CPS1: variants seen among roughly 807,000 people sequenced by gnomAD.
CPS1 encodes carbamoyl-phosphate synthase [ammonia], mitochondrial.
CPS1 carries 109 observed loss-of-function variants against 174.6 expected under a neutral mutation model. The observed-to-expected ratio is 0.62, with a 90% CI of 0.53 to 0.73. The LOEUF (loss-of-function observed/expected upper bound fraction) is 0.73. Among genes scored for constraint, CPS1 ranks in the 30% least tolerant of loss-of-function variants. CPS1 has a pLI of 0.00. For synonymous variants in CPS1, 637 were observed against 632.0 expected, an observed-to-expected ratio of 1.01 and a Z score of -0.12; for missense variants, 1,689 against 1,821.9, an observed-to-expected ratio of 0.93 and a Z score of 1.33.
Position 210,514,994 on chromosome 2 carries a change from G to A in CPS1, c.3+37228G>A, listed in dbSNP as rs1182126491. Among the ~76,000 whole-genome samples, 6 of 151,048 alleles carry A rather than the reference G, an allele frequency of 4.0e-5. No individual in the cohort carries two copies. In the East Asian group the frequency reaches 5.8e-4, roughly 15 times the overall value. ...GTTAATTCTCTTTATGTGGTAAATC[G>A]AATTTATTGATATGTGTATGTTGCA... On this transcript the variant is annotated intron_variant, in intron 1 of 38. Transcript: ENST00000430249.
At chr2:210,583,105 T>G (rs1697982657) in intron 6 of CPS1, among the ~76,000 whole-genome samples, 1 of 152,132 alleles carries the variant, frequency 6.6e-6, no homozygotes, top group African/African-American at 2.4e-5. Flanking sequence ...TCAGGCACAG[T>G]AATCAGAATC....
At chr2:210,551,629 C>T (rs939657526), upstream of CPS1, among the ~76,000 whole-genome samples, 1 of 151,768 alleles carries the variant, frequency 6.6e-6, no homozygotes, top group African/African-American at 2.4e-5. Context: ...TATGTGAAAC[C>T]AATTTTACAA....
At chr2:210,571,816 C>T (rs1338613529) in intron 1 of CPS1, among the ~76,000 whole-genome samples, 1 of 149,312 alleles carries the variant, frequency 6.7e-6, no homozygotes, top group East Asian at 2.0e-4. Flanking sequence ...AAACAAAGGT[C>T]TAGAAATCAT....
intron 1 of CPS1, among the ~76,000 whole-genome samples, chr2:210,515,995 T>A (rs1171568521): frequency 2.0e-5 from 3 of 151,862 alleles, no homozygotes; most frequent in African/African-American, 7.2e-5. Context: ...TGTTATTAAT[T>A]TCATGTAATT....
At chr2:210,663,014 C>T (rs1700971986) in intron 32 of CPS1, 109 bp from the exon 33 acceptor site, 2 of 1,076,452 alleles carry the variant, frequency 1.9e-6, no homozygotes, top group Admixed American at 3.9e-5. Flanking sequence ...TCTACTGTAG[C>T]CTAAGTGAAC....
At chr2:210,577,999 G>A (rs1022424195) in intron 4 of CPS1, among the ~76,000 whole-genome samples, 5 of 151,884 alleles carry the variant, frequency 3.3e-5, no homozygotes, top group African/African-American at 9.7e-5. Flanking sequence ...ATCAAGTCTC[G>A]TTGGGCTTCA....
At chr2:210,647,480 G>T (rs1700415938) in intron 25 of CPS1, among the ~76,000 whole-genome samples, 1 of 152,178 alleles carries the variant, frequency 6.6e-6, no homozygotes, top group Non-Finnish European at 1.5e-5. Context: ...CTGAGATGGA[G>T]GTGTACAGGA....
intron 25 of CPS1, among the ~76,000 whole-genome samples, chr2:210,643,662 A>G (rs548887665): frequency 1.3e-5 from 2 of 152,248 alleles, no homozygotes; most frequent in African/African-American, 4.8e-5. Flanking sequence ...TGCTAGAATA[A>G]TGTTATTATT....
At chr2:210,640,726 G>T (rs1700195809) in intron 24 of CPS1, among the ~76,000 whole-genome samples, 1 of 152,086 alleles carries the variant, frequency 6.6e-6, no homozygotes, top group Admixed American at 6.5e-5. Context: ...TCTATGATTT[G>T]AATATATTTA....
At chr2:210,517,829 G>T (rs1268975732) in intron 1 of CPS1, among the ~76,000 whole-genome samples, 1 of 151,878 alleles carries the variant, frequency 6.6e-6, no homozygotes, top group East Asian at 1.9e-4. Flanking sequence ...AACTCTTATG[G>T]CTATGCTGTA....
intron 21 of CPS1, among the ~76,000 whole-genome samples, chr2:210,628,775 G>A (rs1379402437): frequency 1.3e-5 from 2 of 151,798 alleles, no homozygotes; most frequent in East Asian, 1.9e-4. Flanking sequence ...ACTTCAGCCT[G>A]GGCAACAGAG....
chr2:210,610,838 G>GT lies in CPS1; in HGVS notation c.2392-1269dup, dbSNP rs201221945. Among the ~76,000 whole-genome samples the GT allele has an allele frequency of 2.3e-3, 344 of 148,136 alleles. 3 individuals carry two copies. Among genetic ancestry groups the GT allele is most frequent in the African/African-American group, 7.1e-3 (286 of 40,506 alleles). ...AGATACATATTCCTTTGTTATACAC[G>GT]TTTTTTTTTTAATTGAATGGATCCC... On this transcript the variant is annotated intron_variant, in intron 19 of 37. Coordinates refer to ENST00000233072, the MANE Select transcript of CPS1 (RefSeq NM_001875.5).
At chr2:210,624,035 GATAAT>G (rs1309445806) in intron 21 of CPS1, among the ~76,000 whole-genome samples, 4 of 151,994 alleles carry the variant, frequency 2.6e-5, no homozygotes, top group Admixed American at 1.3e-4. Flanking sequence ...TTTAAAGAAA[GATAAT>G]ATAACATATA....
chr2:210,561,828 T>G (rs1308800063), intron 1 of CPS1, among the ~76,000 whole-genome samples: 1 of 152,222 alleles, frequency 6.6e-6, no homozygotes, highest in Non-Finnish European at 1.5e-5. Context: ...CTCTGTTTGC[T>G]TTTTATTTTT....
chr2:210,548,996 G>A (rs1398835601), intron 1 of CPS1, among the ~76,000 whole-genome samples: 6 of 152,036 alleles, frequency 3.9e-5, no homozygotes, highest in African/African-American at 1.4e-4. Flanking sequence ...TACAAAAGGG[G>A]GTGGAGTAGG....
intron 1 of CPS1, among the ~76,000 whole-genome samples, chr2:210,487,990 A>T (rs890651548): frequency 1.3e-5 from 2 of 152,084 alleles, no homozygotes; most frequent in African/African-American, 2.4e-5. Flanking sequence ...TAGTTCTTTT[A>T]AAAAAAGGGC....
intron 1 of CPS1, among the ~76,000 whole-genome samples, chr2:210,539,928 A>T (rs1023125541): frequency 6.6e-6 from 1 of 152,100 alleles, no homozygotes; most frequent in Admixed American, 6.5e-5. Flanking sequence ...AGGAATAGGT[A>T]TCTGCTGGCC....
At chr2:210,498,982 G>C (rs921090362) in intron 1 of CPS1, among the ~76,000 whole-genome samples, 1 of 152,194 alleles carries the variant, frequency 6.6e-6, no homozygotes, top group Non-Finnish European at 1.5e-5. Flanking sequence ...TGATTCAGGT[G>C]AGTGGATGCT....
At chr2:210,563,578 A>G (rs1357111106) in intron 1 of CPS1, among the ~76,000 whole-genome samples, 1 of 152,194 alleles carries the variant, frequency 6.6e-6, no homozygotes, top group Non-Finnish European at 1.5e-5. Flanking sequence ...CCATCTTGAT[A>G]TAAAAGACCC....
Sources: allele counts gnomAD v4.1 joint callset (sites outside exome capture counted in the v4.1 genomes callset), GRCh38; gene constraint gnomAD v4.1.1; transcripts MANE v1.5; gene names NCBI Gene and HGNC (gene_info 2026-07-23, HGNC 2026-07-21).